Variants in THADA observed in about 807,000 individuals in gnomAD.
THADA encodes the protein THADA armadillo repeat containing.
Under a neutral mutation model 219.8 loss-of-function variants are expected in THADA, and 213 were observed. That is an observed-to-expected ratio of 0.97 (90% CI 0.87 to 1.09). The LOEUF (loss-of-function observed/expected upper bound fraction) is 1.09, where lower values mean the gene tolerates loss of function less well. Ranked by LOEUF, THADA falls within the 50% of genes least tolerant of loss-of-function variation. THADA has a pLI of 0.00. For missense variants in THADA, 2,956 were observed against 2,311.3 expected (o/e 1.28, Z -5.72); for synonymous variants, 1,018 against 828.9 (o/e 1.23, Z -3.92).
At chr2:43,296,230 TAACTC>T (rs1413944569) in intron 31 of THADA, among the ~76,000 whole-genome samples, 1 of 151,700 alleles carries the variant, frequency 6.6e-6, no homozygotes, top group Non-Finnish European at 1.5e-5. Context: ...CCGCTACTCT[TAACTC>T]AGACACTGCA....
At chr2:43,439,274 G>GGA (rs142145643) in intron 26 of THADA, among the ~76,000 whole-genome samples, 1 of 151,740 alleles carries the variant, frequency 6.6e-6, no homozygotes, top group Admixed American at 6.6e-5. Context: ...TGAGAGAGAC[G>GGA]GAGAGAGAGA....
chr2:43,349,508 G>A (rs945500663), intron 29 of THADA, among the ~76,000 whole-genome samples: 3 of 152,212 alleles, frequency 2.0e-5, no homozygotes, highest in Non-Finnish European at 2.9e-5. Flanking sequence ...AGCAACTTGT[G>A]TTAGACAAGA....
At chr2:43,563,227 A>T (rs188144088) in intron 15 of THADA, 1 of 152,300 alleles carries the variant, frequency 6.6e-6, no homozygotes, top group East Asian at 1.9e-4. Flanking sequence ...TGCAATGCAT[A>T]AGTTTTCGTA....
At chr2:43,511,346 G>C (rs1055976762) in intron 22 of THADA, among the ~76,000 whole-genome samples, 1 of 152,044 alleles carries the variant, frequency 6.6e-6, no homozygotes, top group African/African-American at 2.4e-5. Flanking sequence ...GCCTCCCCTG[G>C]GCCTCCCTGA....
Position 43,344,110 on chromosome 2 carries a change from A to AT in THADA, c.4343+11dup. The AT allele has an allele frequency of 6.3e-7, 1 of 1,586,258 alleles. No homozygotes were observed. Among genetic ancestry groups the AT allele is most frequent in the Non-Finnish European group, 8.6e-7 (1 of 1,160,222 alleles). ...CCTGATAACTCCTTGCTCATGTGGG[A>AT]TTTTAACATACCTCTTGGCCAGCCA... On this transcript the variant is annotated intron_variant, in intron 30 of 37. Transcript: ENST00000405975.
Position 43,571,860 on chromosome 2 carries a change from T to A in THADA, c.1911A>T (p.Val637=), listed in dbSNP as rs1699343895. 1 of 1,611,382 alleles carries A rather than the reference T, an allele frequency of 6.2e-7. No homozygotes were observed. Among genetic ancestry groups the A allele is most frequent in the African/African-American group, 1.3e-5 (1 of 74,688 alleles). The change falls in exon 13 of 38, where the codon GTA becomes GTT. Residue 637 remains valine (V), a splice_region_variant and synonymous_variant. Coordinates refer to ENST00000405975, the MANE Select transcript of THADA (RefSeq NM_022065.5). ...KQGLIHQHCQ[V]RIDTLGLLCE... ...AAAGCAAGCCTAATGTATCTATCCT[T>A]ACCTAAAAAACATCAAGCAATAAAA...
chr2:43,594,571 C>T (rs1018463645), intron 1 of THADA, among the ~76,000 whole-genome samples: 4 of 147,534 alleles, frequency 2.7e-5, no homozygotes, highest in African/African-American at 7.7e-5. Flanking sequence ...GAGACAAGAG[C>T]GAAACTCCAT....
intron 15 of THADA, chr2:43,564,811 C>G (rs1698476603): frequency 6.6e-6 from 1 of 152,174 alleles, no homozygotes; most frequent in African/African-American, 2.4e-5. Context: ...CAGCATGAAT[C>G]AAATCATCAG....
At chr2:43,488,027 A>G (rs1480710446) in intron 25 of THADA, among the ~76,000 whole-genome samples, 6 of 152,132 alleles carry the variant, frequency 3.9e-5, no homozygotes, top group Non-Finnish European at 7.3e-5. Context: ...TATTTTTTTA[A>G]AGTTTTTCCT....
At chr2:43,271,226 A>T (rs1192321099) in intron 36 of THADA, among the ~76,000 whole-genome samples, 1 of 152,228 alleles carries the variant, frequency 6.6e-6, no homozygotes, top group Non-Finnish European at 1.5e-5. Context: ...ATGATCCAGT[A>T]TGGAGTGACA....
At chr2:43,485,212 G>A (rs1283126517) in intron 26 of THADA, 22 bp downstream of exon 26, 1 of 1,574,248 alleles carries the variant, frequency 6.4e-7, no homozygotes, top group Admixed American at 1.7e-5. Context: ...AAAAAGTAAA[G>A]TTAGCCTTAA....
chr2:43,352,908 G>A (rs1465242255), intron 29 of THADA, among the ~76,000 whole-genome samples: 1 of 151,932 alleles, frequency 6.6e-6, no homozygotes, highest in Admixed American at 6.6e-5. Context: ...CTCCAACCCT[G>A]GTAACCACTA....
chr2:43,292,729 C>A, intron 32 of THADA, 105 bp downstream of exon 32: 1 of 1,417,972 alleles, frequency 7.1e-7, no homozygotes, highest in Non-Finnish European at 9.5e-7. Context: ...CCTATTGCCC[C>A]TGGAGAGCCT....
intron 16 of THADA, among the ~76,000 whole-genome samples, chr2:43,557,641 G>A (rs1697543522): frequency 6.6e-6 from 1 of 152,182 alleles, no homozygotes; most frequent in Admixed American, 6.5e-5. Context: ...TCATGGAAAG[G>A]CACTGGGCTG....
At chr2:43,254,339 C>T (rs1572789086) in intron 36 of THADA, among the ~76,000 whole-genome samples, 1 of 151,964 alleles carries the variant, frequency 6.6e-6, no homozygotes, top group African/African-American at 2.4e-5. Context: ...GAAACCAGGT[C>T]CTTGGGACAC....
chr2:43,441,068 C>T (rs887560516), intron 26 of THADA, among the ~76,000 whole-genome samples: 3 of 152,178 alleles, frequency 2.0e-5, no homozygotes, highest in African/African-American at 4.8e-5. Context: ...AGGTTTTTGA[C>T]TACATCTTTT....
chr2:43,258,340 T>C (rs1019395617), intron 36 of THADA, among the ~76,000 whole-genome samples: 4 of 151,798 alleles, frequency 2.6e-5, no homozygotes, highest in African/African-American at 2.4e-5. Context: ...CTGACCAACA[T>C]AGAGAAACCC....
intron 29 of THADA, among the ~76,000 whole-genome samples, chr2:43,356,237 T>C (rs1286797493): frequency 1.3e-5 from 2 of 152,160 alleles, no homozygotes; most frequent in Non-Finnish European, 2.9e-5. Flanking sequence ...TGGGAAATGA[T>C]ATAGTTGGAT....
At chr2:43,550,303 T>C (rs991720096) in intron 19 of THADA, among the ~76,000 whole-genome samples, 10 of 152,222 alleles carry the variant, frequency 6.6e-5, no homozygotes, top group African/African-American at 2.4e-4. Flanking sequence ...TTAGGTACTA[T>C]GGGAAATACA....
Sources: gnomAD v4.1 joint callset for allele counts (sites outside exome capture counted in the v4.1 genomes callset) on GRCh38, gnomAD v4.1.1 for gene constraint, MANE v1.5 for transcripts, NCBI Gene and HGNC (gene_info 2026-07-23, HGNC 2026-07-21) for gene names.